Variants in SEC24A observed in about 807,000 individuals in gnomAD.
The protein encoded by SEC24A is SEC24 homolog A, COPII component, also known as protein transport protein Sec24A.
In SEC24A, 93 loss-of-function variants were observed where a neutral mutation model predicts 129.4. That is an observed-to-expected ratio of 0.72 (90% CI 0.61 to 0.85). SEC24A has a LOEUF of 0.85. Ranked by LOEUF, SEC24A falls within the 40% of genes least tolerant of loss-of-function variation. The probability of loss-of-function intolerance (pLI) is 0.00; values close to 1 mark genes in which losing one functional copy is unlikely to be tolerated. For synonymous variants in SEC24A, 460 were observed against 467.3 expected, an observed-to-expected ratio of 0.98 and a Z score of 0.20; for missense variants, 1,264 against 1,307.4, an observed-to-expected ratio of 0.97 and a Z score of 0.51.
At chr5:134,662,143 T>C (rs1437343868) in intron 2 of SEC24A, among the ~76,000 whole-genome samples, 1 of 151,530 alleles carries the variant, frequency 6.6e-6, no homozygotes, top group African/African-American at 2.4e-5. Flanking sequence ...ATTTATTTAT[T>C]TTATTTATTT....
At chr5:134,712,083 C>T (rs756779591) in intron 18 of SEC24A, among the ~76,000 whole-genome samples, 4 of 151,974 alleles carry the variant, frequency 2.6e-5, no homozygotes, top group South Asian at 2.1e-4. Context: ...CCACTGGCCT[C>T]GGCCTCCTAA....
At chr5:134,665,286 T>G (rs1340260908) in intron 2 of SEC24A, among the ~76,000 whole-genome samples, 1 of 150,894 alleles carries the variant, frequency 6.6e-6, no homozygotes, top group East Asian at 2.1e-4. Context: ...AAACCCCATC[T>G]CTACTAAAAA....
intron 9 of SEC24A, among the ~76,000 whole-genome samples, chr5:134,683,029 CT>C (rs879810942): frequency 1.8e-4 from 26 of 146,954 alleles, no homozygotes; most frequent in Admixed American, 2.0e-4. Flanking sequence ...CTCGTATTTA[CT>C]TTTTTTTTTT....
intron 1 of SEC24A, among the ~76,000 whole-genome samples, chr5:134,657,529 T>G (rs1395800992): frequency 6.6e-6 from 1 of 152,112 alleles, no homozygotes; most frequent in East Asian, 1.9e-4. Context: ...ATTTGAGTAA[T>G]GTATAGATAC....
chr5:134,710,314 C>T (rs1752285597), intron 18 of SEC24A, among the ~76,000 whole-genome samples: 1 of 151,876 alleles, frequency 6.6e-6, no homozygotes, highest in African/African-American at 2.4e-5. Flanking sequence ...TGGGTTCAAC[C>T]TCCTCCTCCT....
intron 15 of SEC24A, among the ~76,000 whole-genome samples, chr5:134,700,105 T>C (rs867230707): frequency 2.6e-5 from 4 of 152,274 alleles, no homozygotes; most frequent in Middle Eastern, 3.4e-3. Flanking sequence ...ATTGAGTTTT[T>C]ATTTAAATAA....
intron 15 of SEC24A, among the ~76,000 whole-genome samples, chr5:134,699,301 C>CGTTTTTTTTTTTTTTTTTTTTTT (rs1429369613): frequency 1.5e-4 from 21 of 138,422 alleles, no homozygotes; most frequent in African/African-American, 5.0e-4. Context: ...CCATTTTATC[C>CGTTTTTTTTTTTTTTTTTTTTTT]TTTTTTTTTT....
chr5:134,688,319 CTT>C lies in SEC24A; in HGVS notation c.1723+22_1723+23del. ...TTGAAGGTATAGATTTATTGAACTA[CTT>C]TCATAATTTTTCAGTTTTAGAAATA... On this transcript the variant is annotated intron_variant, in intron 11 of 22. Transcript: ENST00000398844. 1 of 1,366,624 alleles carries C rather than the reference CTT, an allele frequency of 7.3e-7. No individual in the cohort carries two copies. The highest frequency in any genetic ancestry group is 1.0e-6 in the Non-Finnish European group (1 of 961,086). 84.7% of individuals were successfully genotyped at this position (1,366,624 alleles called of 1,614,324 possible).
intron 2 of SEC24A, among the ~76,000 whole-genome samples, chr5:134,665,818 CTCTATTT>C (rs1420406849): frequency 6.6e-6 from 1 of 152,018 alleles, no homozygotes; most frequent in East Asian, 1.9e-4. Flanking sequence ...TGGCCCAGCC[CTCTATTT>C]TCAGGCTCAC....
intron 7 of SEC24A, among the ~76,000 whole-genome samples, chr5:134,678,617 GT>G: frequency 6.6e-6 from 1 of 151,658 alleles, no homozygotes; most frequent in East Asian, 2.0e-4. Context: ...GTCTTGCTCT[GT>G]TGCCCAGGCT....
chr5:134,655,749 G>A lies in SEC24A; in HGVS notation c.98-5370G>A, dbSNP rs112676559. On this transcript the variant is annotated intron_variant, in intron 1 of 22. Coordinates refer to ENST00000398844, the MANE Select transcript of SEC24A (RefSeq NM_021982.3). ...AAATATTTTTCAGTTCTCATTTTCCGAGCTGCATTTGATACCTTTGGCTGT... is the reference window on the plus strand; with the variant it reads ...AAATATTTTTCAGTTCTCATTTTCCAAGCTGCATTTGATACCTTTGGCTGT... Among the ~76,000 whole-genome samples, 560 of 152,144 alleles carry A rather than the reference G, an allele frequency of 3.7e-3. 3 individuals carry two copies. Among genetic ancestry groups the A allele is most frequent in the African/African-American group, 0.013 (536 of 41,522 alleles).
At position 134,671,903 on chromosome 5, in the gene SEC24A, G is replaced by T. The variant is rs1750878071; in HGVS notation, c.817+17G>T. The T allele has an allele frequency of 7.0e-6, 10 of 1,422,460 alleles. No homozygotes were observed. In the Admixed American group the frequency reaches 1.8e-4, roughly 25 times the overall value. 88.1% of individuals were successfully genotyped at this position (1,422,460 alleles called of 1,614,324 possible). ...GCTTATTGGGTGAGATGCTATGAAA[G>T]TTTTTTTTTTAATCTCTTTTTTCTG... On this transcript the variant is annotated intron_variant, in intron 4 of 22. Coordinates refer to ENST00000398844, the MANE Select transcript of SEC24A (RefSeq NM_021982.3).
chr5:134,661,726 G>C, intron 2 of SEC24A, 140 bp downstream of exon 2: 2 of 745,576 alleles, frequency 2.7e-6, no homozygotes, highest in East Asian at 2.8e-5. Flanking sequence ...GTTGTTTTTT[G>C]TTTTTCGGCT....
Position 134,682,389 on chromosome 5 carries a change from G to A in SEC24A, c.1398G>A (p.Leu466=), listed in dbSNP as rs144227682. Residue 466 remains leucine (L), a synonymous_variant, in exon 9 of 23, where the codon TTG becomes TTA. Transcript: ENST00000398844. ...TTTATATAGTTCCTGAAGAATTCTT[G>A]TACAACCCTTTGACCAGAGTTTATG... is the stretch of plus-strand genomic sequence containing the variant. ...YRVNDVPEEF[L]YNPLTRVYGE... is the part of the protein sequence containing the mutation. 2.3e-4 allele frequency: 363 copies of A among 1,589,412 alleles called. 2 individuals are homozygous for A. In the East Asian group the frequency reaches 7.7e-3, roughly 34 times the overall value.
chr5:134,654,433 G>T (rs986841684), intron 1 of SEC24A, among the ~76,000 whole-genome samples: 7 of 152,008 alleles, frequency 4.6e-5, no homozygotes, highest in Admixed American at 2.0e-4. Flanking sequence ...TGTTGGACAG[G>T]GTGGTCTCAA....
intron 8 of SEC24A, among the ~76,000 whole-genome samples, chr5:134,682,023 C>A (rs1376132505): frequency 6.6e-6 from 1 of 152,132 alleles, no homozygotes; most frequent in Non-Finnish European, 1.5e-5. Flanking sequence ...GGGCGGATCA[C>A]CTGAGGTTGG....
At chr5:134,712,270 A>G (rs1580736478) in intron 18 of SEC24A, among the ~76,000 whole-genome samples, 1 of 149,298 alleles carries the variant, frequency 6.7e-6, no homozygotes, top group East Asian at 2.0e-4. Context: ...TTTTTTTGTG[A>G]GATGGAGTCT....
At chr5:134,669,348 T>C (rs1402375682) in intron 3 of SEC24A, among the ~76,000 whole-genome samples, 2 of 151,518 alleles carry the variant, frequency 1.3e-5, no homozygotes, top group Non-Finnish European at 2.9e-5. Context: ...GTATTTTTAG[T>C]AGAGATGGGG....
intron 21 of SEC24A, 82 bp from the exon 22 acceptor site, chr5:134,723,485 A>C: frequency 3.4e-6 from 3 of 871,790 alleles, no homozygotes; most frequent in Non-Finnish European, 5.4e-6. Context: ...GTAATTAAAA[A>C]AATAAAAATT....
Sources: allele counts gnomAD v4.1 joint callset (sites outside exome capture counted in the v4.1 genomes callset), GRCh38; gene constraint gnomAD v4.1.1; transcripts MANE v1.5; gene names NCBI Gene and HGNC (gene_info 2026-07-23, HGNC 2026-07-21).